The following RAF1 variants were observed in gnomAD, a reference collection of about 807,000 sequenced individuals.
RAF1 encodes the protein RAF proto-oncogene serine/threonine-protein kinase.
Under a neutral mutation model 81.1 loss-of-function variants are expected in RAF1, and 27 were observed. The observed-to-expected ratio is 0.33, with a 90% CI of 0.25 to 0.46. The LOEUF is 0.46. Among genes scored for constraint, RAF1 ranks in the 20% least tolerant of loss-of-function variants. The pLI is 1.00. For missense variants in RAF1, 598 were observed against 826.0 expected (o/e 0.72, Z 3.38); for synonymous variants, 298 against 294.0 (o/e 1.01, Z -0.14).
intron 1 of RAF1, among the ~76,000 whole-genome samples, chr3:12,659,448 A>T (rs1385273597): frequency 6.6e-6 from 1 of 150,868 alleles, no homozygotes; most frequent in Non-Finnish European, 1.5e-5. Context: ...AAAAAAAATT[A>T]CACGCAAGAT....
At chr3:12,621,893 TG>T in intron 1 of RAF1, among the ~76,000 whole-genome samples, 1 of 152,292 alleles carries the variant, frequency 6.6e-6, no homozygotes, top group African/African-American at 2.4e-5. Context: ...AATAAATGGA[TG>T]GGGAACTCTA....
intron 1 of RAF1, among the ~76,000 whole-genome samples, chr3:12,653,010 G>A (rs970166899): frequency 4.0e-5 from 6 of 151,008 alleles, no homozygotes; most frequent in Admixed American, 2.6e-4. Flanking sequence ...GGCTGGGTGC[G>A]GTAGCTCATG....
At chr3:12,634,077 G>A (rs895238312) in intron 1 of RAF1, among the ~76,000 whole-genome samples, 3 of 151,640 alleles carry the variant, frequency 2.0e-5, no homozygotes, top group African/African-American at 7.3e-5. Flanking sequence ...AAAACTATCA[G>A]TGAGGGACAG....
intron 8 of RAF1, among the ~76,000 whole-genome samples, chr3:12,600,978 C>G (rs1292766776): frequency 1.3e-5 from 2 of 152,216 alleles, no homozygotes; most frequent in Non-Finnish European, 2.9e-5. Context: ...AGCTGAGACC[C>G]TTCCAAAGAT....
chr3:12,614,625 T>C (rs2059317672), intron 2 of RAF1, among the ~76,000 whole-genome samples: 1 of 151,884 alleles, frequency 6.6e-6, no homozygotes, highest in African/African-American at 2.4e-5. Context: ...AAGATCTCAC[T>C]ATATTGCCCA....
At chr3:12,660,909 G>A (rs1400279315) in intron 1 of RAF1, among the ~76,000 whole-genome samples, 1 of 152,118 alleles carries the variant, frequency 6.6e-6, no homozygotes, top group Non-Finnish European at 1.5e-5. Flanking sequence ...AGGAGGCAGA[G>A]GTCGCAGTGA....
chr3:12,591,693 C>T lies in RAF1; in HGVS notation c.1253+15G>A. 6.2e-7 allele frequency: 1 copy of T among 1,612,140 alleles called. No individual in the cohort carries two copies. Among genetic ancestry groups the T allele is most frequent in the South Asian group, 1.1e-5 (1 of 91,046 alleles). ...CAGCACTCCAGAGGGACTGGACCGC[C>T]AGCTTTCTACTCACCGCAGAACAGC... is the stretch of plus-strand genomic sequence containing the variant. On this transcript the variant is annotated intron_variant, in intron 12 of 17. Transcript: ENST00000442415.
At chr3:12,625,765 T>G (rs975743396) in intron 1 of RAF1, among the ~76,000 whole-genome samples, 6 of 152,112 alleles carry the variant, frequency 3.9e-5, no homozygotes, top group Admixed American at 3.3e-4. Flanking sequence ...GAGGCTGTAG[T>G]GCATGACTGC....
At chr3:12,612,861 A>G (rs541151321) in intron 2 of RAF1, among the ~76,000 whole-genome samples, 1 of 152,312 alleles carries the variant, frequency 6.6e-6, no homozygotes, top group African/African-American at 2.4e-5. Context: ...GAGAGGAAAT[A>G]AGCCAATCTG....
chr3:12,633,688 C>A (rs1200016968), intron 1 of RAF1, among the ~76,000 whole-genome samples: 1 of 150,796 alleles, frequency 6.6e-6, no homozygotes, highest in Non-Finnish European at 1.5e-5. Context: ...GTAATCCCAG[C>A]ACTTTGGGAA....
Position 12,647,123 on chromosome 3 carries a change from C to T in RAF1, c.-27+16690G>A, listed in dbSNP as rs182232459. Among the ~76,000 whole-genome samples the T allele has an allele frequency of 3.4e-3, 508 of 151,242 alleles. 4 individuals carry two copies. The highest frequency in any genetic ancestry group is 0.012 in the African/African-American group (492 of 41,218). ...CATCCTGGCTAACATGGTGAAACCC[C>T]GTCTCTACTAAAAATACAAAAAATT... On this transcript the variant is annotated intron_variant, in intron 1 of 17. Transcript: ENST00000442415.
rs1553613787 is a variant in RAF1, at chr3:12,604,218, A to T, written c.752T>A (p.Leu251His). 6.2e-7 allele frequency: 1 copy of T among 1,614,118 alleles called. No individual in the cohort carries two copies. ...GGATGTCGACCTCTGCCTCTGGGAG[A>T]GGGAACCTTCAGATGAGGGACTGGA... Residue 251 changes from leucine (L) to histidine (H), a missense_variant, in exon 7 of 18, where the codon CTC becomes CAC. Leu to His is a moderately conservative substitution (Grantham distance 99). This residue lies in a region of RAF1 where 194 missense variants were observed against 202.7 expected (regional missense o/e 0.96). Transcript: ENST00000442415.
intron 1 of RAF1, among the ~76,000 whole-genome samples, chr3:12,634,635 C>T (rs2059965080): frequency 6.6e-6 from 1 of 152,118 alleles, no homozygotes; most frequent in Admixed American, 6.6e-5. Flanking sequence ...CCCCTTCTAG[C>T]AATTTCCAAC....
intron 1 of RAF1, among the ~76,000 whole-genome samples, chr3:12,644,339 G>C (rs1345513939): frequency 6.6e-6 from 1 of 152,166 alleles, no homozygotes; most frequent in African/African-American, 2.4e-5. Flanking sequence ...AACGTCTAGA[G>C]AAGTAAGCCA....
Position 12,591,742 on chromosome 3 carries a change from A to G in RAF1, c.1219T>C (p.Phe407Leu), listed in dbSNP as rs2125347471. The change falls in exon 12 of 18, where the codon TTC becomes CTC. Residue 407 changes from phenylalanine to leucine, a missense_variant. Phe to Leu is a conservative substitution (Grantham distance 22). This residue lies in a region of RAF1 where 85 missense variants were observed against 185.6 expected (regional missense o/e 0.46). Coordinates refer to ENST00000442415, the MANE Select transcript of RAF1 (RefSeq NM_001354689.3). ...GCCACCTCATTCCTGAAGGCCTGGA[A>G]TTGCTCTGGGGTTGGGTCGACAACC... 1 of 1,614,168 alleles carries G rather than the reference A, an allele frequency of 6.2e-7. No homozygotes were observed. Among genetic ancestry groups the G allele is most frequent in the Non-Finnish European group, 8.5e-7 (1 of 1,180,020 alleles).
intron 1 of RAF1, among the ~76,000 whole-genome samples, chr3:12,625,374 TG>T (rs1480263532): frequency 6.6e-6 from 1 of 152,182 alleles, no homozygotes; most frequent in Non-Finnish European, 1.5e-5. Flanking sequence ...TGAGCTACTG[TG>T]CCCAGACAGA....
At chr3:12,614,428 G>GTGTGTGTA (rs1553615839) in intron 2 of RAF1, among the ~76,000 whole-genome samples, 1 of 151,074 alleles carries the variant, frequency 6.6e-6, no homozygotes, top group African/African-American at 2.4e-5. Flanking sequence ...GTGTGTGTGT[G>GTGTGTGTA]TAAAATCTAT....
At chr3:12,625,140 G>C (rs1279871770) in intron 1 of RAF1, among the ~76,000 whole-genome samples, 2 of 151,906 alleles carry the variant, frequency 1.3e-5, no homozygotes, top group African/African-American at 4.8e-5. Context: ...CTGGAGTGCA[G>C]TGGCGCAATC....
At chr3:12,628,753 G>GT (rs1020075488) in intron 1 of RAF1, among the ~76,000 whole-genome samples, 7 of 65,520 alleles carry the variant, frequency 1.1e-4, no homozygotes, top group East Asian at 7.3e-4. Context: ...ACTATTTTTG[G>GT]GGGGGGGGGG....
Sources: allele counts gnomAD v4.1 joint callset (sites outside exome capture counted in the v4.1 genomes callset), GRCh38; gene constraint gnomAD v4.1.1; regional missense constraint gnomAD v4.1.1; transcripts MANE v1.5; gene names NCBI Gene and HGNC (gene_info 2026-07-23, HGNC 2026-07-21).